Variants in GSE1 observed in about 807,000 individuals in gnomAD.
The protein encoded by GSE1 is genetic suppressor element 1.
A neutral mutation model predicts 112.6 loss-of-function variants in GSE1; 32 were observed. The ratio of observed to expected loss-of-function variants is 0.28; its 90% CI spans 0.21 to 0.38. GSE1 has a LOEUF of 0.38. Ranked by LOEUF, GSE1 falls within the 10% of genes least tolerant of loss-of-function variation. The pLI is 1.00. For missense variants in GSE1, 2,348 were observed against 1,699.2 expected (o/e 1.38, Z -6.71); for synonymous variants, 1,115 against 735.6 (o/e 1.52, Z -8.35).
At chr16:85,384,550 A>G (rs1321336655) in intron 2 of GSE1, among the ~76,000 whole-genome samples, 1 of 152,222 alleles carries the variant, frequency 6.6e-6, no homozygotes, top group Non-Finnish European at 1.5e-5. Context: ...GACTGGCATC[A>G]TGAGGGAGGT....
At chr16:85,501,064 G>T (rs1240653437) in intron 2 of GSE1, among the ~76,000 whole-genome samples, 2 of 125,604 alleles carry the variant, frequency 1.6e-5, no homozygotes, top group African/African-American at 6.0e-5. Flanking sequence ...GGAGTGGCAC[G>T]ATCTCGGCTC....
At position 85,259,961 on chromosome 16, in the gene GSE1, C is replaced by T. The variant is rs1404252968; in HGVS notation, c.2283+88154C>T. Among the ~76,000 whole-genome samples the T allele has an allele frequency of 3.3e-5, 5 of 152,334 alleles. No homozygotes were observed. In the East Asian group the frequency reaches 5.8e-4, roughly 18 times the overall value. The stretch of plus-strand genomic sequence containing the variant: ...CACTCAAGCACACAGAGGCGGGGCC[C>T]GACACAGCTTCCTGGAGGAGGAGGC... On this transcript the variant is annotated intron_variant, in intron 1 of 2. Coordinates refer to the GSE1 transcript ENST00000637419.
intron 8 of GSE1, among the ~76,000 whole-genome samples, 177 bp downstream of exon 8, chr16:85,657,781 C>G (rs958059148): frequency 6.6e-6 from 1 of 152,170 alleles, no homozygotes; most frequent in African/African-American, 2.4e-5. Flanking sequence ...GAAGCTGAGA[C>G]TGAGGAAGAA....
intron 1 of GSE1, among the ~76,000 whole-genome samples, chr16:85,173,603 G>A (rs2074402339): frequency 6.6e-6 from 1 of 152,198 alleles, no homozygotes; most frequent in Non-Finnish European, 1.5e-5. Flanking sequence ...GGTGTTTCAA[G>A]GGGCAGTCAG....
intron 1 of GSE1, among the ~76,000 whole-genome samples, chr16:85,296,681 C>T (rs1363084961): frequency 6.6e-6 from 1 of 152,196 alleles, no homozygotes. Flanking sequence ...CCTTCAACTT[C>T]TTCCTCTGTG....
intron 1 of GSE1, among the ~76,000 whole-genome samples, chr16:85,558,771 G>A (rs1299867535): frequency 1.3e-5 from 2 of 152,224 alleles, no homozygotes; most frequent in African/African-American, 4.8e-5. Context: ...TATTCAGGGT[G>A]AGGGCTTACC....
intron 2 of GSE1, among the ~76,000 whole-genome samples, chr16:85,437,454 G>A (rs533540633): frequency 6.6e-6 from 1 of 152,240 alleles, no homozygotes; most frequent in South Asian, 2.1e-4. Flanking sequence ...TGGTGCCTGG[G>A]AGGAGAAATA....
At chr16:85,641,712 G>A (rs1266334796) in intron 2 of GSE1, among the ~76,000 whole-genome samples, 1 of 152,250 alleles carries the variant, frequency 6.6e-6, no homozygotes, top group African/African-American at 2.4e-5. Flanking sequence ...AGTGGGTGGG[G>A]GGCTGATTGG....
chr16:85,186,605 GAAAAA>G (rs758525570), intron 1 of GSE1, among the ~76,000 whole-genome samples: 2 of 122,998 alleles, frequency 1.6e-5, no homozygotes, highest in Non-Finnish European at 3.5e-5. Flanking sequence ...TCTGTCTCAA[GAAAAA>G]AAAAAAAAAA....
intron 2 of GSE1, among the ~76,000 whole-genome samples, chr16:85,422,405 G>A (rs940343718): frequency 1.3e-5 from 2 of 152,066 alleles, no homozygotes; most frequent in Non-Finnish European, 2.9e-5. Flanking sequence ...CTAAATGAGG[G>A]ATGTCGGTTC....
chr16:85,612,810 A>G (rs1157334993), upstream of GSE1, among the ~76,000 whole-genome samples: 6 of 152,084 alleles, frequency 3.9e-5, no homozygotes, highest in Non-Finnish European at 8.8e-5. Flanking sequence ...ACACGGAGTT[A>G]CCCGTCCGCC....
At chr16:85,179,707 A>C (rs1435018259) in intron 1 of GSE1, among the ~76,000 whole-genome samples, 1 of 152,078 alleles carries the variant, frequency 6.6e-6, no homozygotes, top group African/African-American at 2.4e-5. Flanking sequence ...CAGGCAGTGG[A>C]TTTGTGTTTG....
At position 85,655,739 on chromosome 16, in the gene GSE1, T is replaced by A. The variant is rs1383234293; in HGVS notation, c.811T>A (p.Tyr271Asn). Residue 271 changes from tyrosine to asparagine, a missense_variant, in exon 6 of 16, where the codon TAC (tyrosine) becomes AAC (asparagine). Transcript: ENST00000253458. The part of the protein sequence containing the change: ...PHPAFRMDDS[Y>N]CLSALRSPFY... ...TTCTCTGCACAGGATGGACGACTCC[T>A]ACTGCCTGTCTGCCCTGAGGTCCCC... is the stretch of plus-strand genomic sequence containing the variant. 1 of 1,605,028 alleles carries A rather than the reference T, an allele frequency of 6.2e-7. No homozygotes were observed. The highest frequency in any genetic ancestry group is 8.5e-7 in the Non-Finnish European group (1 of 1,175,730).
intron 1 of GSE1, among the ~76,000 whole-genome samples, chr16:85,630,515 C>T (rs2049453537): frequency 6.6e-6 from 1 of 152,156 alleles, no homozygotes; most frequent in Non-Finnish European, 1.5e-5. Context: ...GAGACAGCGT[C>T]TATGCTGCCC....
At chr16:85,194,710 C>A (rs529015852) in intron 1 of GSE1, among the ~76,000 whole-genome samples, 23 of 152,234 alleles carry the variant, frequency 1.5e-4, no homozygotes, top group Admixed American at 2.6e-4. Flanking sequence ...GCCTTTAATG[C>A]ACGGATGTCT....
intron 1 of GSE1, among the ~76,000 whole-genome samples, chr16:85,268,216 G>A (rs1013124226): frequency 7.2e-6 from 1 of 138,272 alleles, no homozygotes; most frequent in Non-Finnish European, 1.5e-5. Context: ...CTGAGGCCCT[G>A]GTACTGGCAC....
At chr16:85,641,838 C>T (rs1253251063) in intron 2 of GSE1, among the ~76,000 whole-genome samples, 1 of 152,282 alleles carries the variant, frequency 6.6e-6, no homozygotes, top group Non-Finnish European at 1.5e-5. Context: ...CTTCCTGTGG[C>T]TCCCGTGGGC....
intron 2 of GSE1, among the ~76,000 whole-genome samples, chr16:85,393,612 A>G (rs1312299434): frequency 6.6e-6 from 1 of 152,208 alleles, no homozygotes; most frequent in African/African-American, 2.4e-5. Flanking sequence ...AGAGCCACCT[A>G]TCCCTGACTG....
At chr16:85,604,958 C>T (rs1314951151) in intron 1 of GSE1, among the ~76,000 whole-genome samples, 9 of 141,900 alleles carry the variant, frequency 6.3e-5, no homozygotes, top group Non-Finnish European at 1.1e-4. Context: ...GCTGGGACTA[C>T]AGGCGCCCTC....
Sources: gnomAD v4.1 joint callset for allele counts (sites outside exome capture counted in the v4.1 genomes callset) on GRCh38, gnomAD v4.1.1 for gene constraint, MANE v1.5 for transcripts, NCBI Gene and HGNC (gene_info 2026-07-23, HGNC 2026-07-21) for gene names.